JAM2: variants seen among roughly 807,000 people sequenced by gnomAD.
The protein encoded by JAM2 is junctional adhesion molecule B.
JAM2 carries 17 observed loss-of-function variants against 42.0 expected under a neutral mutation model. The observed-to-expected ratio is 0.40, with a 90% CI of 0.28 to 0.61. The LOEUF (loss-of-function observed/expected upper bound fraction) is 0.61. Among genes scored for constraint, JAM2 ranks in the 20% least tolerant of loss-of-function variants. JAM2 has a pLI of 0.37. For synonymous variants in JAM2, 118 were observed against 128.6 expected (o/e 0.92, Z 0.56); for missense variants, 319 against 358.3 (o/e 0.89, Z 0.89).
At chr21:25,657,501 C>T (rs2032971486) in intron 1 of JAM2, among the ~76,000 whole-genome samples, 2 of 151,938 alleles carry the variant, frequency 1.3e-5, no homozygotes, top group African/African-American at 4.8e-5. Flanking sequence ...GTTAAATATC[C>T]ATGTGAAATG....
At chr21:25,643,384 C>T (rs1264101007) in intron 1 of JAM2, 1 of 152,192 alleles carries the variant, frequency 6.6e-6, no homozygotes, top group African/African-American at 2.4e-5. Flanking sequence ...TAACCAGTAG[C>T]AGCTGGTCCT....
chr21:25,672,708 A>T (rs753720544), intron 1 of JAM2, among the ~76,000 whole-genome samples: 2 of 152,166 alleles, frequency 1.3e-5, no homozygotes, highest in African/African-American at 4.8e-5. Flanking sequence ...CACAACGCAG[A>T]CCATGTCTCA....
chr21:25,648,191 A>G (rs919067762), intron 1 of JAM2, among the ~76,000 whole-genome samples: 2 of 151,096 alleles, frequency 1.3e-5, no homozygotes, highest in African/African-American at 2.5e-5. Context: ...AGCCTGGGCA[A>G]CACAGCAAGA....
chr21:25,671,787 G>C (rs537284201), intron 1 of JAM2, among the ~76,000 whole-genome samples: 2 of 152,328 alleles, frequency 1.3e-5, no homozygotes, highest in Non-Finnish European at 2.9e-5. Context: ...GGGATTACAG[G>C]CATGAGCCAC....
At chr21:25,712,466 AAT>A in intron 9 of JAM2, 84 bp downstream of exon 9, 1 of 980,932 alleles carries the variant, frequency 1.0e-6, no homozygotes, top group Non-Finnish European at 1.6e-6. Context: ...GGACTTTGTG[AAT>A]TTTCACTTTT....
intron 6 of JAM2, among the ~76,000 whole-genome samples, chr21:25,703,143 T>C (rs1188383687): frequency 6.6e-6 from 1 of 152,218 alleles, no homozygotes; most frequent in Non-Finnish European, 1.5e-5. Context: ...TGAGCCACCG[T>C]ACCCGGCCTG....
intron 5 of JAM2, among the ~76,000 whole-genome samples, chr21:25,699,718 G>A (rs554854752): frequency 2.8e-4 from 22 of 79,812 alleles, no homozygotes; most frequent in Non-Finnish European, 3.9e-4. Flanking sequence ...GCCAGGCTCC[G>A]TCTCAAAAAA....
At chr21:25,693,622 C>A in intron 3 of JAM2, 134 bp from the exon 4 acceptor site, 1 of 763,484 alleles carries the variant, frequency 1.3e-6, no homozygotes, top group Non-Finnish European at 2.1e-6. Context: ...CTATATACAA[C>A]TTTTAGGCTT....
chr21:25,699,922 G>A (rs1250621740), intron 5 of JAM2, among the ~76,000 whole-genome samples: 1 of 151,780 alleles, frequency 6.6e-6, no homozygotes, highest in Non-Finnish European at 1.5e-5. Flanking sequence ...GGGATACCCT[G>A]ACCATGTGAA....
intron 1 of JAM2, among the ~76,000 whole-genome samples, chr21:25,671,310 T>C (rs2033355481): frequency 7.2e-6 from 1 of 138,504 alleles, no homozygotes; most frequent in African/African-American, 2.6e-5. Flanking sequence ...TACAAAAAAA[T>C]GCTTATTCTT....
chr21:25,672,727 G>A (rs1354296273), intron 1 of JAM2, among the ~76,000 whole-genome samples: 1 of 152,160 alleles, frequency 6.6e-6, no homozygotes, highest in African/African-American at 2.4e-5. Flanking sequence ...CATTAGTAAG[G>A]AGGGCACCCA....
intron 1 of JAM2, among the ~76,000 whole-genome samples, chr21:25,682,482 G>A (rs570254599): frequency 6.6e-6 from 1 of 152,380 alleles, no homozygotes; most frequent in South Asian, 2.1e-4. Context: ...ACAGGGGTGT[G>A]GCTCACCTGT....
chr21:25,699,083 T>C lies in JAM2; in HGVS notation c.597+204T>C, dbSNP rs145308356. Among the ~76,000 whole-genome samples the C allele has an allele frequency of 1.7e-3, 262 of 152,222 alleles. 1 individual carries two copies. Among genetic ancestry groups the C allele is most frequent in the Admixed American group, 0.015 (228 of 15,290 alleles). On this transcript the variant is annotated intron_variant, in intron 5 of 9. Transcript: ENST00000480456. Reference sequence around the variant, plus strand: ...GGACATGGGAACAGAAAACAGAGACTGAGGGAGCTGACTGTGCAAGGACCA... The same window carrying C: ...GGACATGGGAACAGAAAACAGAGACCGAGGGAGCTGACTGTGCAAGGACCA...
At chr21:25,675,221 C>T (rs1016828257) in intron 1 of JAM2, among the ~76,000 whole-genome samples, 12 of 151,992 alleles carry the variant, frequency 7.9e-5, no homozygotes, top group Admixed American at 2.0e-4. Flanking sequence ...TTTGGCCAGG[C>T]GCGGTGGCTT....
chr21:25,659,644 G>A (rs1054301747), intron 1 of JAM2, among the ~76,000 whole-genome samples: 1 of 151,974 alleles, frequency 6.6e-6, no homozygotes, highest in Non-Finnish European at 1.5e-5. Flanking sequence ...TTTTGAAGGT[G>A]GAAAAAACTG....
At chr21:25,660,015 T>C (rs2033036393) in intron 1 of JAM2, among the ~76,000 whole-genome samples, 1 of 152,176 alleles carries the variant, frequency 6.6e-6, no homozygotes, top group Admixed American at 6.5e-5. Flanking sequence ...CGTCCTGGGT[T>C]CAAGCAACTC....
chr21:25,643,074 A>G (rs1296249768), intron 1 of JAM2, among the ~76,000 whole-genome samples: 7 of 152,314 alleles, frequency 4.6e-5, no homozygotes, highest in Admixed American at 4.6e-4. Context: ...TCCTAATACC[A>G]TCACATTGGT....
rs145815470 is a variant in JAM2, at chr21:25,672,551, G to A, written c.68-11332G>A. Among the ~76,000 whole-genome samples the A allele has an allele frequency of 1.8e-4, 27 of 152,332 alleles. No individual in the cohort carries two copies. In the East Asian group the frequency reaches 5.0e-3, roughly 28 times the overall value. On this transcript the variant is annotated intron_variant, in intron 1 of 9. Coordinates refer to ENST00000480456, the MANE Select transcript of JAM2 (RefSeq NM_021219.4). The stretch of plus-strand genomic sequence containing the variant: ...GAAATAGAACTGCCAAATGCTGGCA[G>A]TGGTTCTGTACTTTTAATCTTTAAA...
At chr21:25,711,877 G>A (rs2034390772) in intron 8 of JAM2, 3 of 211,186 alleles carry the variant, frequency 1.4e-5, no homozygotes, top group Non-Finnish European at 2.9e-5. Context: ...TTCATTCCTA[G>A]ACATATGCCC....
Sources: gnomAD v4.1 joint callset for allele counts (sites outside exome capture counted in the v4.1 genomes callset) on GRCh38, gnomAD v4.1.1 for gene constraint, MANE v1.5 for transcripts, NCBI Gene and HGNC (gene_info 2026-07-23, HGNC 2026-07-21) for gene names.